Variants in VTI1A observed in about 807,000 individuals in gnomAD.
The protein encoded by VTI1A is vesicle transport through interaction with t-SNAREs 1A.
VTI1A carries 22 observed loss-of-function variants against 34.9 expected under a neutral mutation model. The observed-to-expected ratio is 0.63, with a 90% CI of 0.45 to 0.90. VTI1A has a LOEUF of 0.90. VTI1A is among the 40% of genes least tolerant of loss of function. The pLI is 0.00. For synonymous variants in VTI1A, 87 were observed against 97.3 expected, an observed-to-expected ratio of 0.89 and a Z score of 0.62; for missense variants, 268 against 275.6, an observed-to-expected ratio of 0.97 and a Z score of 0.20.
At chr10:112,663,034 G>A (rs1006293755) in intron 5 of VTI1A, among the ~76,000 whole-genome samples, 3 of 152,114 alleles carry the variant, frequency 2.0e-5, no homozygotes, top group African/African-American at 7.2e-5. Flanking sequence ...CAACTCTGAC[G>A]GCGTCTTAAA....
intron 7 of VTI1A, among the ~76,000 whole-genome samples, chr10:112,673,427 C>T (rs1353797064): frequency 1.3e-5 from 2 of 151,642 alleles, no homozygotes; most frequent in Non-Finnish European, 2.9e-5. Context: ...CCCGACACTA[C>T]CTATATTTGC....
chr10:112,519,603 G>C (rs1243603718), intron 3 of VTI1A, among the ~76,000 whole-genome samples: 1 of 152,070 alleles, frequency 6.6e-6, no homozygotes, highest in East Asian at 1.9e-4. Context: ...CCATGGCTTT[G>C]GAGAATGAAG....
chr10:112,519,830 G>T (rs1849945877), intron 3 of VTI1A, among the ~76,000 whole-genome samples: 1 of 151,972 alleles, frequency 6.6e-6, no homozygotes, highest in Non-Finnish European at 1.5e-5. Flanking sequence ...GAATCCTCAG[G>T]ATAACTTGTT....
At chr10:112,698,314 T>C (rs988540350) in intron 7 of VTI1A, among the ~76,000 whole-genome samples, 20 of 152,182 alleles carry the variant, frequency 1.3e-4, no homozygotes, top group African/African-American at 4.8e-4. Context: ...GAACACTGCA[T>C]ATTGTCTCAC....
chr10:112,693,538 ACT>A (rs1420710278), intron 7 of VTI1A, among the ~76,000 whole-genome samples: 3 of 152,048 alleles, frequency 2.0e-5, no homozygotes, highest in Non-Finnish European at 4.4e-5. Context: ...CAATATTGAA[ACT>A]CTGTCTAAAA....
At chr10:112,670,976 G>T (rs183002275) in intron 7 of VTI1A, among the ~76,000 whole-genome samples, 1 of 152,208 alleles carries the variant, frequency 6.6e-6, no homozygotes, top group Non-Finnish European at 1.5e-5. Flanking sequence ...ATGCCATAAC[G>T]TGGCAGGTTT....
chr10:112,527,402 T>C (rs995264650), intron 4 of VTI1A: 5 of 341,964 alleles, frequency 1.5e-5, no homozygotes, highest in Non-Finnish European at 2.6e-5. Flanking sequence ...TCTTCTCTTT[T>C]CTTTATTATT....
intron 4 of VTI1A, among the ~76,000 whole-genome samples, chr10:112,534,741 C>T (rs1003130026): frequency 3.3e-5 from 5 of 152,128 alleles, no homozygotes; most frequent in Admixed American, 2.6e-4. Context: ...TGAATATAAT[C>T]AGTTGCAGTT....
chr10:112,552,776 C>T (rs1451482777), intron 5 of VTI1A, among the ~76,000 whole-genome samples: 2 of 152,170 alleles, frequency 1.3e-5, no homozygotes, highest in Non-Finnish European at 2.9e-5. Flanking sequence ...CCTACTTGGG[C>T]TTCCTGTAGA....
At chr10:112,627,547 C>G (rs1845969568) in intron 5 of VTI1A, among the ~76,000 whole-genome samples, 1 of 152,158 alleles carries the variant, frequency 6.6e-6, no homozygotes, top group Non-Finnish European at 1.5e-5. Context: ...AATATAACCA[C>G]TATTCATAGT....
intron 1 of VTI1A, among the ~76,000 whole-genome samples, chr10:112,452,727 CTTTTGT>C (rs1201299689): frequency 6.7e-6 from 1 of 149,382 alleles, no homozygotes; most frequent in Non-Finnish European, 1.5e-5. Context: ...TGGCTTCAGT[CTTTTGT>C]TTTTGTTTTT....
intron 5 of VTI1A, among the ~76,000 whole-genome samples, chr10:112,553,712 C>T (rs1187697226): frequency 6.6e-6 from 1 of 152,230 alleles, no homozygotes; most frequent in African/African-American, 2.4e-5. Flanking sequence ...GGTATACCCA[C>T]TTTTGAAGCT....
At chr10:112,678,850 C>T (rs548265247) in intron 7 of VTI1A, among the ~76,000 whole-genome samples, 100 of 152,216 alleles carry the variant, frequency 6.6e-4, no homozygotes, top group Non-Finnish European at 9.4e-4. Context: ...CAAACAAGGA[C>T]GAGTTATAGA....
chr10:112,671,274 C>G (rs1463455784), intron 7 of VTI1A, among the ~76,000 whole-genome samples: 3 of 152,194 alleles, frequency 2.0e-5, no homozygotes, highest in African/African-American at 7.2e-5. Context: ...CATTCTCTTA[C>G]TCTTCTTCTT....
At chr10:112,537,881 A>G (rs1014797479) in intron 4 of VTI1A, among the ~76,000 whole-genome samples, 1 of 152,246 alleles carries the variant, frequency 6.6e-6, no homozygotes, top group African/African-American at 2.4e-5. Context: ...TTTATAAAAA[A>G]TAAATACAAA....
rs113422144 is a variant in VTI1A, at chr10:112,787,618, A to G, written c.561-27672A>G. Among the ~76,000 whole-genome samples, 1,042 of 151,022 alleles carry G rather than the reference A, an allele frequency of 6.9e-3. 13 individuals are homozygous for G. Among genetic ancestry groups the G allele is most frequent in the African/African-American group, 0.024 (993 of 41,078 alleles). ...TTGTTGTGATTTTTTTCTTTGATTC[A>G]TGCATTCTTTAGAAATGTGTTACTC... On this transcript the variant is annotated intron_variant, in intron 7 of 7. Transcript: ENST00000393077.
chr10:112,473,092 C>G (rs1848153910), intron 3 of VTI1A, among the ~76,000 whole-genome samples: 1 of 146,534 alleles, frequency 6.8e-6, no homozygotes, highest in Admixed American at 6.8e-5. Flanking sequence ...ACAATGAGGT[C>G]ATTTGATCCA....
chr10:112,807,610 C>T (rs541732275), intron 7 of VTI1A, among the ~76,000 whole-genome samples: 110 of 152,004 alleles, frequency 7.2e-4, no homozygotes, highest in African/African-American at 2.3e-3. Context: ...CCCAGCACTT[C>T]GGGGAGGCCA....
At chr10:112,753,782 TCTCACGGTTGGGAAAGC>T (rs1269094519) in intron 7 of VTI1A, among the ~76,000 whole-genome samples, 3 of 152,214 alleles carry the variant, frequency 2.0e-5, no homozygotes, top group African/African-American at 7.2e-5. Flanking sequence ...TATTTCTTTC[TCTCACGGTTGGGAAAGC>T]CTCAATTTCA....
Sources: gnomAD v4.1 joint callset for allele counts (sites outside exome capture counted in the v4.1 genomes callset) on GRCh38, gnomAD v4.1.1 for gene constraint, MANE v1.5 for transcripts, NCBI Gene and HGNC (gene_info 2026-07-23, HGNC 2026-07-21) for gene names.